Variants in CFAP144 observed in about 807,000 individuals in gnomAD.
CFAP144 encodes cilia and flagella associated protein 144.
the CFAP144 span, among the ~76,000 whole-genome samples, chr1:43,146,921 C>T: frequency 2.0e-5 from 3 of 152,252 alleles, no homozygotes; most frequent in African/African-American, 4.8e-5. Flanking sequence ...TCTTGGCTCA[C>T]TGCAACCTCC....
chr1:43,148,312 A>G, the CFAP144 span, among the ~76,000 whole-genome samples: 2 of 150,418 alleles, frequency 1.3e-5, no homozygotes, highest in East Asian at 1.9e-4. Flanking sequence ...TTCGTTGTAG[A>G]AAAAAAAAAG....
At chr1:43,147,122 G>A in the CFAP144 span, among the ~76,000 whole-genome samples, 2 of 152,242 alleles carry the variant, frequency 1.3e-5, no homozygotes, top group African/African-American at 2.4e-5. Flanking sequence ...TGGGATTACA[G>A]GCGTGAGCCA....
the CFAP144 span, among the ~76,000 whole-genome samples, chr1:43,143,067 A>G: frequency 6.6e-6 from 1 of 152,284 alleles, no homozygotes; most frequent in Non-Finnish European, 1.5e-5. Flanking sequence ...GCTAATAAGT[A>G]TAGTACACCA....
the CFAP144 span, among the ~76,000 whole-genome samples, chr1:43,154,339 CT>C: frequency 6.9e-6 from 1 of 144,350 alleles, no homozygotes. Flanking sequence ...TATATCCCCT[CT>C]TTTTATATAT....
At chr1:43,154,938 G>A in the CFAP144 span, among the ~76,000 whole-genome samples, 1 of 152,216 alleles carries the variant, frequency 6.6e-6, no homozygotes, top group African/African-American at 2.4e-5. Context: ...CTGAAGGCAG[G>A]CTAGCAGGAT....
At chr1:43,152,960 C>G in the CFAP144 span, 1 of 1,592,938 alleles carries the variant, frequency 6.3e-7, no homozygotes, top group Non-Finnish European at 8.6e-7. Flanking sequence ...TCAGGAAATA[C>G]GAGGAAACAC....
At chr1:43,147,089 C>T in the CFAP144 span, among the ~76,000 whole-genome samples, 1 of 152,232 alleles carries the variant, frequency 6.6e-6, no homozygotes, top group African/African-American at 2.4e-5. Flanking sequence ...AGGTGATCCA[C>T]CTGCCTCAGC....
At chr1:43,149,026 A>G in the CFAP144 span, among the ~76,000 whole-genome samples, 1 of 152,066 alleles carries the variant, frequency 6.6e-6, no homozygotes, top group African/African-American at 2.4e-5. Flanking sequence ...GCAGGGCCCT[A>G]GTCCTTGCCG....
the CFAP144 span, among the ~76,000 whole-genome samples, chr1:43,148,608 A>C: frequency 6.6e-6 from 1 of 151,846 alleles, no homozygotes; most frequent in African/African-American, 2.4e-5. Context: ...ACGCCCAACC[A>C]CCTCACAGCT....
chr1:43,151,794 G>T, the CFAP144 span, among the ~76,000 whole-genome samples: 26 of 152,262 alleles, frequency 1.7e-4, no homozygotes, highest in Middle Eastern at 3.4e-3. Flanking sequence ...GGCTCTCAGA[G>T]CATTACGAAG....
At chr1:43,153,048 C>T in the CFAP144 span, 2 of 1,322,852 alleles carry the variant, frequency 1.5e-6, no homozygotes, top group East Asian at 2.5e-5. Flanking sequence ...TACCTCTTAC[C>T]AGCTGGATAA....
At chr1:43,147,720 T>C in the CFAP144 span, 2 of 1,367,918 alleles carry the variant, frequency 1.5e-6, no homozygotes, top group Non-Finnish European at 1.9e-6. Flanking sequence ...GGCAAGTGAG[T>C]ACAGTGCCAG....
the CFAP144 span, among the ~76,000 whole-genome samples, chr1:43,144,382 C>T: frequency 6.6e-6 from 1 of 152,110 alleles, no homozygotes; most frequent in Admixed American, 6.5e-5. Flanking sequence ...TGAGATAAAT[C>T]CTGGAGTTGG....
At chr1:43,154,215 ATTATATAAATTT>A in the CFAP144 span, among the ~76,000 whole-genome samples, 3 of 120,902 alleles carry the variant, frequency 2.5e-5, no homozygotes, top group Admixed American at 7.6e-5. Context: ...TATATAAATT[ATTATATAAATTT>A]TTATATAAAA....
At chr1:43,152,930 T>C in the CFAP144 span, 14 of 1,610,552 alleles carry the variant, frequency 8.7e-6, no homozygotes, top group Non-Finnish European at 1.1e-5. Flanking sequence ...TTAGAGCCCT[T>C]GGTAAGCGTG....
chr1:43,150,648 G>A, the CFAP144 span: 10 of 858,104 alleles, frequency 1.2e-5, no homozygotes, highest in Non-Finnish European at 1.9e-5. Context: ...TACCTGGCAT[G>A]TACCAGATAC....
the CFAP144 span, among the ~76,000 whole-genome samples, chr1:43,148,587 T>A: frequency 6.6e-6 from 1 of 151,794 alleles, no homozygotes; most frequent in African/African-American, 2.4e-5. Flanking sequence ...GAAATGGAGC[T>A]TCAGATCCAC....
At chr1:43,149,997 G>A in the CFAP144 span, among the ~76,000 whole-genome samples, 16,650 of 151,888 alleles carry the variant, frequency 0.11, 1,676 homozygotes, top group African/African-American at 0.27. Flanking sequence ...CCAGGCTCAC[G>A]CTCATATGCT....
At chr1:43,153,947 T>C in the CFAP144 span, among the ~76,000 whole-genome samples, 5 of 150,500 alleles carry the variant, frequency 3.3e-5, no homozygotes, top group Non-Finnish European at 7.4e-5. Flanking sequence ...TTATGGTTTC[T>C]GGGTTTTGTG....
Sources: allele counts gnomAD v4.1 joint callset (sites outside exome capture counted in the v4.1 genomes callset), GRCh38; gene constraint gnomAD v4.1.1; transcripts MANE v1.5; gene names NCBI Gene and HGNC (gene_info 2026-07-23, HGNC 2026-07-21).